The following MSRA variants were observed in gnomAD, a reference collection of about 807,000 sequenced individuals.
The protein encoded by MSRA is mitochondrial peptide methionine sulfoxide reductase.
Under a neutral mutation model 31.3 loss-of-function variants are expected in MSRA, and 54 were observed. The ratio of observed to expected loss-of-function variants is 1.73; its 90% CI spans 1.39 to 2.17. The LOEUF is 2.17. Among genes scored for constraint, MSRA ranks in the 30% most tolerant of loss-of-function variants. The probability of loss-of-function intolerance (pLI) is 0.00; values close to 1 mark genes in which losing one functional copy is unlikely to be tolerated. For missense variants in MSRA, 507 were observed against 300.9 expected (o/e 1.69, Z -5.07); for synonymous variants, 169 against 116.5 (o/e 1.45, Z -2.90).
intron 3 of MSRA, among the ~76,000 whole-genome samples, chr8:10,294,150 G>A (rs768979210): frequency 1.2e-4 from 19 of 152,122 alleles, no homozygotes; most frequent in Non-Finnish European, 2.5e-4. Flanking sequence ...CCAGTGAACC[G>A]AGATTGCACC....
intron 2 of MSRA, among the ~76,000 whole-genome samples, chr8:10,209,910 G>A (rs1809324477): frequency 6.6e-6 from 1 of 152,206 alleles, no homozygotes; most frequent in South Asian, 2.1e-4. Context: ...GAATATGTTT[G>A]ACATCTAAGA....
intron 5 of MSRA, among the ~76,000 whole-genome samples, chr8:10,334,524 G>C (rs868602428): frequency 2.0e-5 from 3 of 152,086 alleles, no homozygotes; most frequent in African/African-American, 7.2e-5. Flanking sequence ...GTGCGTTTGC[G>C]TTTCAAATTC....
At chr8:10,289,530 TC>T (rs930337831) in intron 3 of MSRA, among the ~76,000 whole-genome samples, 1 of 152,196 alleles carries the variant, frequency 6.6e-6, no homozygotes, top group African/African-American at 2.4e-5. Flanking sequence ...CCATTTATTT[TC>T]TTTTAGTTAT....
intron 3 of MSRA, among the ~76,000 whole-genome samples, chr8:10,266,178 C>T (rs753769727): frequency 6.6e-6 from 1 of 152,290 alleles, no homozygotes; most frequent in East Asian, 1.9e-4. Context: ...AAACTGTTTT[C>T]TGGAGTAGTT....
At chr8:10,173,636 T>G (rs1042772140) in intron 1 of MSRA, among the ~76,000 whole-genome samples, 1 of 152,182 alleles carries the variant, frequency 6.6e-6, no homozygotes, top group Non-Finnish European at 1.5e-5. Flanking sequence ...CAGGAATCTT[T>G]CCGCTTGTCT....
chr8:10,396,468 A>G (rs750202296), intron 5 of MSRA, among the ~76,000 whole-genome samples: 2 of 152,252 alleles, frequency 1.3e-5, no homozygotes, highest in African/African-American at 4.8e-5. Flanking sequence ...CAAAAATGAG[A>G]TAGAAAATGG....
chr8:10,193,736 A>T (rs1189091914), intron 1 of MSRA, among the ~76,000 whole-genome samples: 2 of 152,224 alleles, frequency 1.3e-5, no homozygotes, highest in Non-Finnish European at 2.9e-5. Context: ...TATGTTTCTT[A>T]ATATGAATAT....
chr8:10,232,805 CTA>C (rs1177725612), intron 2 of MSRA, among the ~76,000 whole-genome samples: 2 of 152,130 alleles, frequency 1.3e-5, no homozygotes, highest in Non-Finnish European at 2.9e-5. Flanking sequence ...TCCAGTAGGA[CTA>C]TTGGAAAATT....
At chr8:10,386,878 A>T (rs1274721029) in intron 5 of MSRA, among the ~76,000 whole-genome samples, 1 of 151,912 alleles carries the variant, frequency 6.6e-6, no homozygotes, top group Non-Finnish European at 1.5e-5. Flanking sequence ...TATTTAAAAA[A>T]AAAAAAAAAA....
intron 1 of MSRA, among the ~76,000 whole-genome samples, chr8:10,081,873 A>G (rs1466363060): frequency 6.6e-6 from 1 of 152,140 alleles, no homozygotes; most frequent in Non-Finnish European, 1.5e-5. Context: ...TCTACCCCGA[A>G]TTCTACCCCC....
intron 2 of MSRA, among the ~76,000 whole-genome samples, chr8:10,218,164 T>TTTA (rs1810168546): frequency 2.2e-5 from 3 of 137,716 alleles, no homozygotes; most frequent in Admixed American, 1.6e-4. Context: ...TTATTTATTT[T>TTTA]GAGAAAGAGT....
chr8:10,251,737 A>C (rs1797926344), intron 3 of MSRA, among the ~76,000 whole-genome samples: 1 of 152,116 alleles, frequency 6.6e-6, no homozygotes, highest in South Asian at 2.1e-4. Context: ...GAATGGACCC[A>C]TTGCCTGAAG....
At chr8:10,391,462 T>G (rs1409779348) in intron 5 of MSRA, among the ~76,000 whole-genome samples, 1 of 152,226 alleles carries the variant, frequency 6.6e-6, no homozygotes. Context: ...ATCTGTGGCA[T>G]TCTCTGATTG....
At chr8:10,241,281 G>T (rs1812389890) in intron 2 of MSRA, among the ~76,000 whole-genome samples, 2 of 152,022 alleles carry the variant, frequency 1.3e-5, no homozygotes, top group African/African-American at 4.8e-5. Context: ...GGTGAGTCTG[G>T]GACATCCTGT....
chr8:10,248,232 G>C (rs184415520), intron 3 of MSRA, among the ~76,000 whole-genome samples: 1 of 152,178 alleles, frequency 6.6e-6, no homozygotes, highest in East Asian at 1.9e-4. Flanking sequence ...TGAATATTTT[G>C]TAAAGATTTT....
chr8:10,120,823 A>G (rs749753618), intron 1 of MSRA, among the ~76,000 whole-genome samples: 2 of 152,098 alleles, frequency 1.3e-5, no homozygotes, highest in Non-Finnish European at 1.5e-5. Context: ...GCTAGCCTAC[A>G]TGGTTTCGGC....
At chr8:10,064,546 A>AC (rs1206508572) in intron 1 of MSRA, among the ~76,000 whole-genome samples, 2 of 152,346 alleles carry the variant, frequency 1.3e-5, no homozygotes, top group African/African-American at 4.8e-5. Context: ...AAATGTGGTG[A>AC]CAGTATATTT....
chr8:10,190,542 C>A (rs1807422507), intron 1 of MSRA, among the ~76,000 whole-genome samples: 1 of 152,226 alleles, frequency 6.6e-6, no homozygotes, highest in South Asian at 2.1e-4. Context: ...CGTCTGGTGG[C>A]TGAAGCACAC....
At chr8:10,292,144 A>T (rs936677497) in intron 3 of MSRA, among the ~76,000 whole-genome samples, 2 of 152,224 alleles carry the variant, frequency 1.3e-5, no homozygotes, top group Non-Finnish European at 2.9e-5. Context: ...AGGTTTCCGT[A>T]GAATTCAGTG....
Sources: gnomAD v4.1 joint callset for allele counts (sites outside exome capture counted in the v4.1 genomes callset) on GRCh38, gnomAD v4.1.1 for gene constraint, MANE v1.5 for transcripts, NCBI Gene and HGNC (gene_info 2026-07-23, HGNC 2026-07-21) for gene names.